The following SERINC3 variants were observed in gnomAD, a reference collection of about 807,000 sequenced individuals.
The protein encoded by SERINC3 is tumor differentially expressed protein 1.
SERINC3 carries 22 observed loss-of-function variants against 52.1 expected under a neutral mutation model. The ratio of observed to expected loss-of-function variants is 0.42; its 90% CI spans 0.30 to 0.60. The LOEUF is 0.60. Among genes scored for constraint, SERINC3 ranks in the 20% least tolerant of loss-of-function variants. The probability of loss-of-function intolerance (pLI) is 0.16; values close to 1 mark genes in which losing one functional copy is unlikely to be tolerated. For missense variants in SERINC3, 564 were observed against 584.6 expected (o/e 0.96, Z 0.36); for synonymous variants, 226 against 212.7 (o/e 1.06, Z -0.54).
chr20:44,506,912 C>G lies in SERINC3; in HGVS notation c.698G>C (p.Gly233Ala), dbSNP rs201595758. 1.9e-6 allele frequency: 3 copies of G among 1,613,616 alleles called. No homozygotes were observed. In the East Asian group the frequency reaches 6.7e-5, roughly 36 times the overall value. Reference protein sequence around the residue: ...LLYTYYTKPDGCTENKFFISI... With the variant: ...LLYTYYTKPDACTENKFFISI... ...GATGAAGAACTTGTTTTCTGTGCAG[C>G]CATCTGGTTTGGTGTAATATGTATA... The change falls in exon 6 of 10, where the codon GGC becomes GCC. Residue 233 changes from glycine (G) to alanine (A), a missense_variant. Coordinates refer to ENST00000342374, the MANE Select transcript of SERINC3 (RefSeq NM_006811.4).
In SERINC3 at chr20:44,497,793, CTCTG is replaced by C. The variant is rs796270772; in HGVS notation, c.*2499_*2502del. The C allele has an allele frequency of 2.6e-5, 4 of 152,264 alleles. No homozygotes were observed. The highest frequency in any genetic ancestry group is 1.9e-4 in the East Asian group (1 of 5,190). 9.4% of individuals were successfully genotyped at this position (152,264 alleles called of 1,614,324 possible). On this transcript the variant is annotated 3_prime_UTR_variant, in exon 10 of 10. Transcript: ENST00000342374. ...AACTGAGCCTGTCCCCTCTGTGTTC[CTCTG>C]TCTAATTCTGTAACAAAATCTGAAA...
intron 1 of SERINC3, among the ~76,000 whole-genome samples, chr20:44,516,166 G>T (rs895641811): frequency 3.9e-5 from 6 of 151,980 alleles, no homozygotes; most frequent in African/African-American, 1.4e-4. Context: ...GCCGGGTGCA[G>T]TGGCAGGCAC....
intron 5 of SERINC3, among the ~76,000 whole-genome samples, chr20:44,507,487 T>C (rs1443434579): frequency 1.3e-5 from 2 of 152,228 alleles, no homozygotes; most frequent in East Asian, 1.9e-4. Context: ...TCACAAACAA[T>C]AAGACTGTCC....
chr20:44,513,103 AGACT>A (rs1568789546), intron 2 of SERINC3, 109 bp from the exon 3 acceptor site: 2 of 608,506 alleles, frequency 3.3e-6, no homozygotes, highest in East Asian at 3.2e-5. Flanking sequence ...AACAACTGCA[AGACT>A]GACTATGGAA....
intron 5 of SERINC3, among the ~76,000 whole-genome samples, chr20:44,507,526 T>C (rs978795929): frequency 3.3e-5 from 5 of 152,224 alleles, no homozygotes; most frequent in Non-Finnish European, 5.9e-5. Context: ...TCATTTGCTA[T>C]TTTTTAATAT....
At position 44,522,000 on chromosome 20, in the gene SERINC3, C is replaced by G. The variant is rs767681200; in HGVS notation, c.-49G>C. ...CCGGTCCTGAGGCTGCTTTCTAACA[C>G]GGTGGTAACTGCCAGCTGAGGTGAC... is the stretch of plus-strand genomic sequence containing the variant. On this transcript the variant is annotated 5_prime_UTR_variant, in exon 1 of 10. Coordinates refer to ENST00000342374, the MANE Select transcript of SERINC3 (RefSeq NM_006811.4). 3 of 1,567,302 alleles carry G rather than the reference C, an allele frequency of 1.9e-6. No individual in the cohort carries two copies. In the Admixed American group the frequency reaches 5.6e-5, roughly 29 times the overall value.
intron 8 of SERINC3, 42 bp downstream of exon 8, chr20:44,503,773 C>T (rs370470457): frequency 4.2e-6 from 6 of 1,433,748 alleles, no homozygotes; most frequent in Non-Finnish European, 5.6e-6. Flanking sequence ...ACTTTATTAT[C>T]AACCTCCATG....
At chr20:44,507,308 T>C (rs959352671) in intron 5 of SERINC3, among the ~76,000 whole-genome samples, 2 of 152,208 alleles carry the variant, frequency 1.3e-5, no homozygotes, top group African/African-American at 4.8e-5. Flanking sequence ...TTAATGTGTA[T>C]TGTGAGCTTT....
At chr20:44,506,326 G>A (rs1400467347) in intron 6 of SERINC3, among the ~76,000 whole-genome samples, 1 of 150,630 alleles carries the variant, frequency 6.6e-6, no homozygotes, top group Non-Finnish European at 1.5e-5. Flanking sequence ...AGGCGTGGTG[G>A]CTCACGCCTG....
At chr20:44,503,782 T>G in intron 8 of SERINC3, 33 bp downstream of exon 8, 2 of 1,468,382 alleles carry the variant, frequency 1.4e-6, no homozygotes, top group Non-Finnish European at 1.8e-6. Flanking sequence ...TCAACCTCCA[T>G]GAAAATCTTG....
At chr20:44,518,304 T>C (rs1255113065) in intron 1 of SERINC3, among the ~76,000 whole-genome samples, 1 of 63,494 alleles carries the variant, frequency 1.6e-5, no homozygotes, top group Non-Finnish European at 3.0e-5. Context: ...CTACTAAAAA[T>C]GCAAAATTAG....
chr20:44,515,154 G>C (rs1265066528), intron 1 of SERINC3, among the ~76,000 whole-genome samples: 1 of 152,246 alleles, frequency 6.6e-6, no homozygotes, highest in African/African-American at 2.4e-5. Context: ...AGGAGTTCAA[G>C]ACCAGCCTGG....
chr20:44,509,627 CCA>C (rs1568787792), intron 5 of SERINC3, among the ~76,000 whole-genome samples: 1 of 152,062 alleles, frequency 6.6e-6, no homozygotes, highest in Non-Finnish European at 1.5e-5. Context: ...CTCCTGGATT[CCA>C]GAGATTCTCC....
intron 2 of SERINC3, 56 bp downstream of exon 2, chr20:44,513,823 T>C: frequency 7.1e-7 from 1 of 1,407,072 alleles, no homozygotes; most frequent in Non-Finnish European, 9.5e-7. Flanking sequence ...AACTAGAATT[T>C]TGCAGAATAT....
At chr20:44,504,087 G>C in intron 7 of SERINC3, 92 bp from the exon 8 acceptor site, 1 of 1,038,154 alleles carries the variant, frequency 9.6e-7, no homozygotes, top group South Asian at 1.7e-5. Context: ...ATTCAGTCAT[G>C]ATGTGAAACA....
chr20:44,508,352 T>G (rs1448829783), intron 5 of SERINC3, among the ~76,000 whole-genome samples: 1 of 151,798 alleles, frequency 6.6e-6, no homozygotes. Context: ...GTAGGCGTGG[T>G]AGTGTGGGTG....
Position 44,503,878 on chromosome 20 carries a change from G to C in SERINC3, c.992C>G (p.Ser331Cys). 6.2e-7 allele frequency: 1 copy of C among 1,600,362 alleles called. No homozygotes were observed. The highest frequency in any genetic ancestry group is 1.1e-5 in the South Asian group (1 of 87,966). The change falls in exon 8 of 10, where the codon TCT becomes TGT. Residue 331 changes from serine to cysteine, a missense_variant. Transcript: ENST00000342374. ...PTPTPPSKSG[S>C]LLDSDNFIGL... ...AATAAAATTATCTGAATCCAGTAAA[G>C]ACCCACTCTTTGATGGTGGAGTAGG...
At position 44,501,295 on chromosome 20, in the gene SERINC3, C is replaced by T. The variant is rs750431207; in HGVS notation, c.1061G>A (p.Arg354His). ...FVLCLLYSSI[R>H]TSTNSQVDKL... is the part of the protein sequence containing the mutation. The stretch of plus-strand genomic sequence containing the variant: ...GTCTACTTGGCTATTAGTGGAAGTG[C>T]GGATGCTGGAAAGTGATCCCAAGGA... The change falls in exon 9 of 10, where the codon CGC becomes CAC. Residue 354 changes from arginine (R) to histidine (H), a missense_variant. Coordinates refer to ENST00000342374, the MANE Select transcript of SERINC3 (RefSeq NM_006811.4). The T allele has an allele frequency of 3.7e-6, 6 of 1,613,718 alleles. No homozygotes were observed. Among genetic ancestry groups the T allele is most frequent in the South Asian group, 3.3e-5 (3 of 91,026 alleles).
intron 3 of SERINC3, 36 bp downstream of exon 3, chr20:44,512,765 C>G (rs759960602): frequency 3.0e-5 from 45 of 1,503,966 alleles, no homozygotes; most frequent in Non-Finnish European, 4.0e-5. Flanking sequence ...AAGAGCCACA[C>G]CATAATGTAA....
Sources: allele counts gnomAD v4.1 joint callset (sites outside exome capture counted in the v4.1 genomes callset), GRCh38; gene constraint gnomAD v4.1.1; transcripts MANE v1.5; gene names NCBI Gene and HGNC (gene_info 2026-07-23, HGNC 2026-07-21).